The following MUC17 variants were observed in gnomAD, a reference collection of about 807,000 sequenced individuals.
The protein encoded by MUC17 is mucin-17.
In MUC17, 190 loss-of-function variants were observed where a neutral mutation model predicts 170.3. That is an observed-to-expected ratio of 1.12 (90% CI 0.99 to 1.26). The LOEUF (loss-of-function observed/expected upper bound fraction) is 1.26. Ranked by LOEUF, MUC17 falls within the 50% of genes most tolerant of loss-of-function variation. The probability of loss-of-function intolerance (pLI) is 0.00; values close to 1 mark genes in which losing one functional copy is unlikely to be tolerated. For synonymous variants in MUC17, 2,325 were observed against 2,002.5 expected (o/e 1.16, Z -4.30); for missense variants, 6,415 against 5,530.0 (o/e 1.16, Z -5.08).
At chr7:101,023,995 G>A (rs867326693) in intron 1 of MUC17, among the ~76,000 whole-genome samples, 39 of 152,186 alleles carry the variant, frequency 2.6e-4, no homozygotes, top group African/African-American at 7.2e-4. Flanking sequence ...GTGATGTTGA[G>A]CATTTTTTCA....
chr7:101,058,155 A>G lies in MUC17; in HGVS notation c.*111A>G, dbSNP rs1201935382. The stretch of plus-strand genomic sequence containing the variant: ...GGAACTCAATGTTCCCATTGTAAGT[A>G]CAGGAAACAAGCCCTGTACTTACCA... On this transcript the variant is annotated 3_prime_UTR_variant, in exon 13 of 13. Coordinates refer to ENST00000306151, the MANE Select transcript of MUC17 (RefSeq NM_001040105.2). The G allele has an allele frequency of 7.1e-6, 7 of 990,310 alleles. No homozygotes were observed. Among genetic ancestry groups the G allele is most frequent in the African/African-American group, 1.6e-5 (1 of 62,042 alleles). 61.3% of individuals were successfully genotyped at this position (990,310 alleles called of 1,614,324 possible).
chr7:101,045,461 A>G (rs934474720), intron 3 of MUC17, among the ~76,000 whole-genome samples: 2 of 151,184 alleles, frequency 1.3e-5, no homozygotes, highest in African/African-American at 4.9e-5. Context: ...TGGCACGATC[A>G]TGGCTCACTG....
At position 101,037,559 on chromosome 7, in the gene MUC17, G is replaced by T; in HGVS notation, c.6143G>T (p.Gly2048Val). The T allele has an allele frequency of 1.9e-6, 3 of 1,613,898 alleles. No individual in the cohort carries two copies. The highest frequency in any genetic ancestry group is 1.7e-6 in the Non-Finnish European group (2 of 1,179,890). ...AGTGAACGGACCACTCCATTAGCAG[G>T]TATGCCTGTCAGCACTACGCTTGTG... ...TPSERTTPLA[G>V]MPVSTTLVVS... Residue 2048 changes from glycine to valine, a missense_variant, in exon 3 of 13, where the codon GGT becomes GTT. By Grantham distance (109) the Gly-to-Val change is moderately radical. Transcript: ENST00000306151.
At position 101,042,175 on chromosome 7, in the gene MUC17, T is replaced by C. The variant is rs1165260764; in HGVS notation, c.10759T>C (p.Tyr3587His). The C allele has an allele frequency of 6.2e-7, 1 of 1,613,120 alleles. No homozygotes were observed. Among genetic ancestry groups the C allele is most frequent in the Non-Finnish European group, 8.5e-7 (1 of 1,179,820 alleles). The change falls in exon 3 of 13, where the codon TAT becomes CAT. Residue 3587 changes from tyrosine (Y) to histidine (H), a missense_variant. Transcript: ENST00000306151. ...AACAACTATGCTCCTCAGCAGCACATATGTGACCAGTTCTGAGGCTAGCAC... is the reference window on the plus strand; with the variant it reads ...AACAACTATGCTCCTCAGCAGCACACATGTGACCAGTTCTGAGGCTAGCAC... ...SLTTMLLSST[Y>H]VTSSEASTPS...
Position 101,036,021 on chromosome 7 carries a change from A to G in MUC17, c.4605A>G (p.Ser1535=). 6.2e-7 allele frequency: 1 copy of G among 1,612,098 alleles called. No homozygotes were observed. Among genetic ancestry groups the G allele is most frequent in the Middle Eastern group, 1.7e-4 (1 of 6,054 alleles). ...TVASSEINSL[S]TTPAVTSTPV... The stretch of plus-strand genomic sequence containing the variant: ...CCAGTTCTGAAATCAACAGCCTTTC[A>G]ACAACTCCTGCTGTCACCAGCACAC... The change falls in exon 3 of 13, where the codon TCA becomes TCG. Residue 1535 remains serine, a synonymous_variant. Transcript: ENST00000306151.
At position 101,042,308 on chromosome 7, in the gene MUC17, G is replaced by A; in HGVS notation, c.10892G>A (p.Ser3631Asn). 1 of 1,613,680 alleles carries A rather than the reference G, an allele frequency of 6.2e-7. No individual in the cohort carries two copies. Among genetic ancestry groups the A allele is most frequent in the South Asian group, 1.1e-5 (1 of 91,080 alleles). Residue 3631 changes from serine to asparagine, a missense_variant, in exon 3 of 13, where the codon AGT becomes AAT. Transcript: ENST00000306151. ...ATCACCCTGCCAATGTCAACTCCTA[G>A]TGAAGTAAGCACTCCATTAACCATT... ...EVITLPMSTPSEVSTPLTIMP... is the reference protein window; with the variant it reads ...EVITLPMSTPNEVSTPLTIMP...
chr7:101,039,812 G>A lies in MUC17; in HGVS notation c.8396G>A (p.Ser2799Asn). 1 of 1,608,186 alleles carries A rather than the reference G, an allele frequency of 6.2e-7. No homozygotes were observed. Among genetic ancestry groups the A allele is most frequent in the Non-Finnish European group, 8.5e-7 (1 of 1,177,026 alleles). The change falls in exon 3 of 13, where the codon AGC (serine) becomes AAC (asparagine). Residue 2799 changes from serine to asparagine, a missense_variant. Transcript: ENST00000306151. Reference sequence around the variant, plus strand: ...TCTCCTACAACTGCTGAAGTTACCAGCATGCCAACCTCAACTCCTAGTGAA... The same window carrying A: ...TCTCCTACAACTGCTGAAGTTACCAACATGCCAACCTCAACTCCTAGTGAA... ...SSSPTTAEVT[S>N]MPTSTPSETS...
At chr7:101,031,452 A>G in intron 2 of MUC17, 149 bp from the exon 3 acceptor site, 6 of 1,050,698 alleles carry the variant, frequency 5.7e-6, no homozygotes, top group Non-Finnish European at 8.0e-6. Flanking sequence ...AGACTAACAC[A>G]CTGGAGAAAC....
In MUC17 at chr7:101,042,997, G is replaced by A. The variant is rs757532865; in HGVS notation, c.11581G>A (p.Val3861Ile). ...KAGSFSIPAE[V>I]TTIRISITSE... ...CGGTTCATTCTCCATACCTGCTGAAGTCACTACCATACGTATTTCAATTAC... is the reference window on the plus strand; with the variant it reads ...CGGTTCATTCTCCATACCTGCTGAAATCACTACCATACGTATTTCAATTAC... Residue 3861 changes from valine (V) to isoleucine (I), a missense_variant, in exon 3 of 13, where the codon GTC becomes ATC. Val to Ile is a conservative substitution (Grantham distance 29). Coordinates refer to ENST00000306151, the MANE Select transcript of MUC17 (RefSeq NM_001040105.2). The A allele has an allele frequency of 3.1e-6, 5 of 1,613,982 alleles. No homozygotes were observed. Among genetic ancestry groups the A allele is most frequent in the Non-Finnish European group, 4.2e-6 (5 of 1,180,024 alleles).
chr7:101,041,032 A>G lies in MUC17; in HGVS notation c.9616A>G (p.Thr3206Ala), dbSNP rs73712047. ...TTSTEATSSTTAEGTSIPTST... is the reference protein window; with the variant it reads ...TTSTEATSSTAAEGTSIPTST... The stretch of plus-strand genomic sequence containing the variant: ...TTCTACTGAAGCCACTTCATCTACA[A>G]CTGCTGAAGGTACCAGCATTCCAAC... Residue 3206 changes from threonine (T) to alanine (A), a missense_variant, in exon 3 of 13, where the codon ACT becomes GCT. Transcript: ENST00000306151. 2.6e-3 allele frequency: 4,215 copies of G among 1,611,010 alleles called. 105 individuals carry two copies. The African/African-American group carries it at 0.05, about 19-fold the overall frequency.
chr7:101,020,227 C>A lies in MUC17; in HGVS notation c.82+10C>A, dbSNP rs1445325988. The A allele has an allele frequency of 1.2e-6, 2 of 1,601,806 alleles. No individual in the cohort carries two copies. The highest frequency in any genetic ancestry group is 1.7e-6 in the Non-Finnish European group (2 of 1,174,802). On this transcript the variant is annotated intron_variant, in intron 1 of 12. Transcript: ENST00000306151. ...GCTGCTGCAGAACAGGGTGAGTGAC[C>A]CCCACGCCCCGCTGCCCAAGAGGCC...
rs762158481 is a variant in MUC17, at chr7:101,039,431, C to T, written c.8015C>T (p.Ser2672Leu). The change falls in exon 3 of 13, where the codon TCA (serine) becomes TTA (leucine). Residue 2672 changes from serine to leucine, a missense_variant. Coordinates refer to ENST00000306151, the MANE Select transcript of MUC17 (RefSeq NM_001040105.2). ...TLVTTSTGTS[S>L]SPTTAEGSSM... ...GTGACCACTTCCACTGGAACCAGTT[C>T]ATCTCCTACAACTGCTGAAGGTAGC... 3.1e-6 allele frequency: 5 copies of T among 1,612,330 alleles called. No homozygotes were observed. The highest frequency in any genetic ancestry group is 3.4e-6 in the Non-Finnish European group (4 of 1,179,506).
chr7:101,057,599 G>T (rs1019806041), intron 12 of MUC17, among the ~76,000 whole-genome samples: 1 of 152,156 alleles, frequency 6.6e-6, no homozygotes, highest in Admixed American at 6.6e-5. Context: ...AATAATCATA[G>T]CCAGGTACAG....
At position 101,043,063 on chromosome 7, in the gene MUC17, A is replaced by C. The variant is rs1363486703; in HGVS notation, c.11647A>C (p.Thr3883Pro). Reference protein sequence around the residue: ...STPLTTLLVSTTLPTSFPGAS... With the variant: ...STPLTTLLVSPTLPTSFPGAS... The stretch of plus-strand genomic sequence containing the variant: ...TCCATTAACAACTCTCCTTGTCAGC[A>C]CCACACTTCCAACTAGCTTTCCTGG... The change falls in exon 3 of 13, where the codon ACC (threonine) becomes CCC (proline). Residue 3883 changes from threonine to proline, a missense_variant. Coordinates refer to ENST00000306151, the MANE Select transcript of MUC17 (RefSeq NM_001040105.2). 2.5e-6 allele frequency: 4 copies of C among 1,614,046 alleles called. No homozygotes were observed. In the South Asian group the frequency reaches 4.4e-5, roughly 18 times the overall value.
At chr7:101,046,784 T>A (rs1014264897) in intron 3 of MUC17, among the ~76,000 whole-genome samples, 7 of 151,704 alleles carry the variant, frequency 4.6e-5, no homozygotes, top group South Asian at 2.1e-4. Flanking sequence ...TCTCAAAAAA[T>A]AATAATAATA....
At position 101,034,040 on chromosome 7, in the gene MUC17, C is replaced by A. The variant is rs200476400; in HGVS notation, c.2624C>A (p.Thr875Lys). ...TPLTSMPVSTTLVATSAISTL... is the reference protein window; with the variant it reads ...TPLTSMPVSTKLVATSAISTL... ...TTAACAAGTATGCCTGTCAGCACCA[C>A]ACTGGTGGCCACTTCTGCAATCAGC... is the stretch of plus-strand genomic sequence containing the variant. Residue 875 changes from threonine (T) to lysine (K), a missense_variant, in exon 3 of 13, where the codon ACA becomes AAA. Physicochemically the swap from Thr to Lys is moderately conservative, Grantham distance 78. Transcript: ENST00000306151. 33 of 1,598,356 alleles carry A rather than the reference C, an allele frequency of 2.1e-5. No individual in the cohort carries two copies. The Middle Eastern group carries it at 5.0e-4, about 24-fold the overall frequency.
rs375674797 is a variant in MUC17 at position 101,035,925 on chromosome 7, C to A, written c.4509C>A (p.Ser1503Arg). 5 of 1,612,952 alleles carry A rather than the reference C, an allele frequency of 3.1e-6. No individual in the cohort carries two copies. Among genetic ancestry groups the A allele is most frequent in the Non-Finnish European group, 4.2e-6 (5 of 1,179,528 alleles). The change falls in exon 3 of 13, where the codon AGC becomes AGA. Residue 1503 changes from serine (S) to arginine (R), a missense_variant. By Grantham distance (110) the Ser-to-Arg change is moderately radical. Transcript: ENST00000306151. The part of the protein sequence containing the change: ...SSSPTPAEGT[S>R]IAISTPSEGS... The stretch of plus-strand genomic sequence containing the variant: ...CTCCTACACCTGCTGAAGGTACCAG[C>A]ATAGCAATCTCAACGCCTAGTGAAG...
In MUC17 at chr7:101,039,982, G is replaced by A; in HGVS notation, c.8566G>A (p.Gly2856Ser). 1.2e-6 allele frequency: 2 copies of A among 1,613,252 alleles called. No individual in the cohort carries two copies. The highest frequency in any genetic ancestry group is 1.7e-6 in the Non-Finnish European group (2 of 1,179,818). The stretch of plus-strand genomic sequence containing the variant: ...CAGTTCATCTCCTACAACTGCTGAA[G>A]GTATCGTCGTGCCAATCTCAACTGC... Reference protein sequence around the residue: ...KASSSPTTAEGIVVPISTASE... With the variant: ...KASSSPTTAESIVVPISTASE... The change falls in exon 3 of 13, where the codon GGT (glycine) becomes AGT (serine). Residue 2856 changes from glycine (G) to serine (S), a missense_variant. Coordinates refer to ENST00000306151, the MANE Select transcript of MUC17 (RefSeq NM_001040105.2).
chr7:101,043,495 A>AG lies in MUC17; in HGVS notation c.12079_12080insG (p.Thr4027SerfsTer61). ...CAGAGGCTGCACTACTTCTGCATCAACGCTTTCTGCAACCAGTACACCTCA... is the reference window on the plus strand; with the variant it reads ...CAGAGGCTGCACTACTTCTGCATCAAGCGCTTTCTGCAACCAGTACACCTCA... On this transcript the variant is annotated frameshift_variant, in exon 3 of 13. Transcript: ENST00000306151. LOFTEE classifies it high-confidence loss of function. 1 of 1,614,154 alleles carries AG rather than the reference A, an allele frequency of 6.2e-7. No homozygotes were observed. The highest frequency in any genetic ancestry group is 8.5e-7 in the Non-Finnish European group (1 of 1,180,018).
Sources: gnomAD v4.1 joint callset for allele counts (sites outside exome capture counted in the v4.1 genomes callset) on GRCh38, gnomAD v4.1.1 for gene constraint, MANE v1.5 for transcripts, NCBI Gene and HGNC (gene_info 2026-07-23, HGNC 2026-07-21) for gene names.